The following DGKI variants were observed in gnomAD, a reference collection of about 807,000 sequenced individuals.
DGKI encodes DAG kinase iota.
A neutral mutation model predicts 147.5 loss-of-function variants in DGKI; 55 were observed. The observed-to-expected ratio is 0.37, with a 90% CI of 0.30 to 0.47. DGKI has a LOEUF of 0.47. Ranked by LOEUF, DGKI falls within the 20% of genes least tolerant of loss-of-function variation. The pLI is 1.00. For missense variants in DGKI, 1,007 were observed against 1,323.8 expected, an observed-to-expected ratio of 0.76 and a Z score of 3.71; for synonymous variants, 469 against 477.1, an observed-to-expected ratio of 0.98 and a Z score of 0.22.
At position 137,846,064 on chromosome 7, in the gene DGKI, G is replaced by A. The variant is rs1585564193; in HGVS notation, c.401+398C>T. On this transcript the variant is annotated intron_variant, in intron 1 of 32. Coordinates refer to ENST00000614521, the MANE Select transcript of DGKI (RefSeq NM_001321708.2). The surrounding 1 kb of genome is among the most constrained non-coding windows in gnomAD (Gnocchi z 4.0). ...GTGGTTGAAGATGACACCTGCTTAGGGGCAACTTTGACGACTTCTCTTAAG... is the reference window on the plus strand; with the variant it reads ...GTGGTTGAAGATGACACCTGCTTAGAGGCAACTTTGACGACTTCTCTTAAG... Among the ~76,000 whole-genome samples the A allele has an allele frequency of 6.6e-6, 1 of 151,766 alleles. No homozygotes were observed. Among genetic ancestry groups the A allele is most frequent in the African/African-American group, 2.4e-5 (1 of 41,292 alleles).
intron 1 of DGKI, among the ~76,000 whole-genome samples, chr7:137,811,364 CCTCTCTCTCTCT>C (rs879359264): frequency 7.3e-6 from 1 of 137,730 alleles, no homozygotes; most frequent in African/African-American, 2.8e-5. Context: ...TCTCTCTCTC[CCTCTCTCTCTCT>C]CTCTCTCTCA....
chr7:137,673,985 C>A (rs895204944), intron 3 of DGKI, among the ~76,000 whole-genome samples: 1 of 152,140 alleles, frequency 6.6e-6, no homozygotes, highest in African/African-American at 2.4e-5. Context: ...AATAAATGTA[C>A]ATAAAAATAA....
chr7:137,501,617 T>A (rs1816173247), intron 21 of DGKI, among the ~76,000 whole-genome samples: 1 of 152,232 alleles, frequency 6.6e-6, no homozygotes, highest in African/African-American at 2.4e-5. Context: ...GAGGTTAAAC[T>A]GCCCTACCCA....
At position 137,382,023 on chromosome 7, in the gene DGKI, G is replaced by A. The variant is rs1209365746; in HGVS notation, c.*9197C>T. 6.6e-6 allele frequency: 1 copy of A among 152,038 alleles called. No homozygotes were observed. The highest frequency in any genetic ancestry group is 2.4e-5 in the African/African-American group (1 of 41,412). 9.4% of individuals were successfully genotyped at this position (152,038 alleles called of 1,614,324 possible). A position where few individuals can be genotyped will look rare whatever the true frequency, so the allele number is the denominator to read the frequency against. On this transcript the variant is annotated 3_prime_UTR_variant, in exon 33 of 33. Transcript: ENST00000614521. Reference sequence around the variant, plus strand: ...AAATTCTTTGATCTCCAGAAGATCAGGAGATCAGGAGCCATTTGGTTGCAT... The same window carrying A: ...AAATTCTTTGATCTCCAGAAGATCAAGAGATCAGGAGCCATTTGGTTGCAT...
chr7:137,618,470 T>TC (rs536848894), intron 8 of DGKI, among the ~76,000 whole-genome samples: 110 of 149,340 alleles, frequency 7.4e-4, no homozygotes, highest in African/African-American at 2.7e-3. Flanking sequence ...CATGAAGCCC[T>TC]CCCCCCCACT....
chr7:137,714,601 G>T (rs1236190684), intron 1 of DGKI, among the ~76,000 whole-genome samples: 1 of 152,206 alleles, frequency 6.6e-6, no homozygotes, highest in South Asian at 2.1e-4. Context: ...ATGCAGAACA[G>T]AAAGCAGCCA....
intron 21 of DGKI, among the ~76,000 whole-genome samples, chr7:137,504,931 AT>A (rs1209823461): frequency 1.3e-5 from 2 of 152,146 alleles, no homozygotes; most frequent in African/African-American, 4.8e-5. Flanking sequence ...TGTTAAGAAA[AT>A]GAAAAATTAG....
chr7:137,672,766 C>CTTTTTTTTT (rs60078498), intron 3 of DGKI, among the ~76,000 whole-genome samples: 7 of 65,690 alleles, frequency 1.1e-4, no homozygotes, highest in East Asian at 4.9e-4. Context: ...CTCTGTGTGT[C>CTTTTTTTTT]TTTTTTTTTT....
intron 28 of DGKI, among the ~76,000 whole-genome samples, chr7:137,428,358 A>C (rs952526672): frequency 3.9e-4 from 60 of 152,364 alleles, no homozygotes; most frequent in African/African-American, 1.4e-3. Context: ...ACAACGCTTC[A>C]TGCTAAAAAC....
At chr7:137,456,923 T>C (rs1238914167) in intron 27 of DGKI, among the ~76,000 whole-genome samples, 1 of 152,190 alleles carries the variant, frequency 6.6e-6, no homozygotes, top group Non-Finnish European at 1.5e-5. Flanking sequence ...GGCCTCCATA[T>C]GCATAACTGA....
At position 137,585,236 on chromosome 7, in the gene DGKI, T is replaced by C. The variant is rs766071570; in HGVS notation, c.1536A>G (p.Pro512=). The C allele has an allele frequency of 1.9e-6, 3 of 1,614,190 alleles. No homozygotes were observed. The highest frequency in any genetic ancestry group is 2.5e-6 in the Non-Finnish European group (3 of 1,180,024). ...LHVERNPDLP[P]EELEDGVCKL... is the part of the protein sequence containing the mutation. ...TACATACGCCATCTTCAAGTTCTTC[T>C]GGAGGCAAGTCGGGGTTTCTTTCCA... Residue 512 remains proline, a synonymous_variant, in exon 14 of 33, where the codon CCA becomes CCG. Coordinates refer to ENST00000614521, the MANE Select transcript of DGKI (RefSeq NM_001321708.2).
chr7:137,642,854 T>C lies in DGKI; in HGVS notation c.804+2618A>G, dbSNP rs561139981. Reference sequence around the variant, plus strand: ...ATCTGTAAAGTTTGCAAGCCATCAGTTGGAAAAAAAAAAAAAAGTTTTGCT... The same window carrying C: ...ATCTGTAAAGTTTGCAAGCCATCAGCTGGAAAAAAAAAAAAAAGTTTTGCT... On this transcript the variant is annotated intron_variant, in intron 6 of 32. Coordinates refer to ENST00000614521, the MANE Select transcript of DGKI (RefSeq NM_001321708.2). 3.4e-4 allele frequency among the ~76,000 whole-genome samples: 51 copies of C among 149,854 alleles called. No homozygotes were observed. In the East Asian group the frequency reaches 7.3e-3, roughly 21 times the overall value.
chr7:137,678,279 C>G (rs946061613), intron 3 of DGKI, among the ~76,000 whole-genome samples: 1 of 152,252 alleles, frequency 6.6e-6, no homozygotes, highest in Non-Finnish European at 1.5e-5. Context: ...CCCTCTGCCC[C>G]CCACCAACAC....
At chr7:137,779,575 T>G (rs1198991444) in intron 1 of DGKI, among the ~76,000 whole-genome samples, 3 of 152,148 alleles carry the variant, frequency 2.0e-5, no homozygotes, top group Non-Finnish European at 4.4e-5. Context: ...ATAATCGATT[T>G]GTATCCAGAT....
chr7:137,693,862 A>G (rs983700283), intron 1 of DGKI, among the ~76,000 whole-genome samples: 1 of 152,252 alleles, frequency 6.6e-6, no homozygotes, highest in African/African-American at 2.4e-5. Context: ...CAAATAAGGT[A>G]GAATCCAGTG....
intron 6 of DGKI, among the ~76,000 whole-genome samples, chr7:137,644,324 C>T (rs1317469575): frequency 6.6e-6 from 1 of 152,240 alleles, no homozygotes; most frequent in Non-Finnish European, 1.5e-5. Flanking sequence ...CAGGGTTGAA[C>T]TGGAGAACAA....
chr7:137,536,543 T>TG (rs1223575528), intron 20 of DGKI, among the ~76,000 whole-genome samples: 1 of 152,184 alleles, frequency 6.6e-6, no homozygotes, highest in African/African-American at 2.4e-5. Context: ...TACAGATTTT[T>TG]GGAGGGCAGA....
chr7:137,395,931 A>G, intron 31 of DGKI: 1 of 494,504 alleles, frequency 2.0e-6, no homozygotes, highest in South Asian at 3.4e-5. Context: ...AGTGTTGATT[A>G]AGTTTAGTAA....
chr7:137,532,234 T>G (rs994302936), intron 20 of DGKI, among the ~76,000 whole-genome samples: 1 of 152,100 alleles, frequency 6.6e-6, no homozygotes, highest in African/African-American at 2.4e-5. Flanking sequence ...CTCTACAGAT[T>G]GTGTGGTAGT....
Sources: gnomAD v4.1 joint callset for allele counts (sites outside exome capture counted in the v4.1 genomes callset) on GRCh38, gnomAD v4.1.1 for gene constraint, Gnocchi (gnomAD v3.1) non-coding constraint, MANE v1.5 for transcripts, NCBI Gene and HGNC (gene_info 2026-07-23, HGNC 2026-07-21) for gene names.